Variants in TMEM63A observed in about 807,000 individuals in gnomAD.
TMEM63A encodes mechanosensitive cation channel TMEM63A.
A neutral mutation model predicts 100.6 loss-of-function variants in TMEM63A; 76 were observed. The observed-to-expected ratio is 0.76, with a 90% CI of 0.63 to 0.91. The LOEUF (loss-of-function observed/expected upper bound fraction) is 0.91, where lower values mean the gene tolerates loss of function less well. TMEM63A is among the 40% of genes least tolerant of loss of function. The probability of loss-of-function intolerance (pLI) is 0.00; values close to 1 mark genes in which losing one functional copy is unlikely to be tolerated. For synonymous variants in TMEM63A, 401 were observed against 401.1 expected (o/e 1.00, Z 0.00); for missense variants, 876 against 1,008.8 (o/e 0.87, Z 1.78).
intron 2 of TMEM63A, among the ~76,000 whole-genome samples, chr1:225,878,922 A>ACACACG (rs1479995554): frequency 6.7e-6 from 1 of 149,370 alleles, no homozygotes; most frequent in East Asian, 1.9e-4. Context: ...ACACACACAC[A>ACACACG]CGAAGCACAG....
Position 225,865,931 on chromosome 1 carries a change from C to G in TMEM63A, c.712G>C (p.Asp238His). The change falls in exon 10 of 25, where the codon GAT becomes CAT. Residue 238 changes from aspartate (D) to histidine (H), a missense_variant. Transcript: ENST00000366835. This position sits in a 1 kb window ranked among gnomAD's most constrained non-coding sequence, Gnocchi z 4.6. ...RTLFITGLPR[D>H]ARKETVESHF... is the part of the protein sequence containing the mutation. ...CTCTCCACAGTCTCCTTCCTGGCAT[C>G]TCTGGGGAGTCCTGTGATGAACAGG... 1 of 1,614,058 alleles carries G rather than the reference C, an allele frequency of 6.2e-7. No homozygotes were observed. The highest frequency in any genetic ancestry group is 8.5e-7 in the Non-Finnish European group (1 of 1,179,956).
In TMEM63A at chr1:225,852,903, C is replaced by T. The variant is rs1669422765; in HGVS notation, c.1798-134G>A. 3 of 734,134 alleles carry T rather than the reference C, an allele frequency of 4.1e-6. No homozygotes were observed. In the South Asian group the frequency reaches 5.0e-5, roughly 12 times the overall value. The allele number at this position is 734,134 out of a possible 1,614,324, so 45.5% of individuals were successfully genotyped here. On this transcript the variant is annotated intron_variant, in intron 19 of 24. Transcript: ENST00000366835. ...AGGAGATGCGTGGCTCCCCGCCTCCCAAGGTCCTTCCCATCCCTCCCAGCC... is the reference window on the plus strand; with the variant it reads ...AGGAGATGCGTGGCTCCCCGCCTCCTAAGGTCCTTCCCATCCCTCCCAGCC...
chr1:225,873,305 A>G (rs1171934818), intron 4 of TMEM63A, among the ~76,000 whole-genome samples: 1 of 152,158 alleles, frequency 6.6e-6, no homozygotes, highest in East Asian at 1.9e-4. Context: ...TTTCTCTCCA[A>G]CAGTCCAAGG....
At position 225,853,389 on chromosome 1, in the gene TMEM63A, C is replaced by T. The variant is rs964090343; in HGVS notation, c.1797+240G>A. On this transcript the variant is annotated intron_variant, in intron 19 of 24. Coordinates refer to ENST00000366835, the MANE Select transcript of TMEM63A (RefSeq NM_014698.3). The surrounding 1 kb of genome is among the most constrained non-coding windows in gnomAD (Gnocchi z 4.0). The stretch of plus-strand genomic sequence containing the variant: ...TATGTATGTATGTGTGCGATCAAAC[C>T]GTTTCAAATGCCAAAGTCCCAAGCT... 2.5e-4 allele frequency among the ~76,000 whole-genome samples: 38 copies of T among 152,244 alleles called. No homozygotes were observed. The highest frequency in any genetic ancestry group is 8.9e-4 in the African/African-American group (37 of 41,538).
At position 225,853,667 on chromosome 1, in the gene TMEM63A, T is replaced by C. The variant is rs1198585456; in HGVS notation, c.1759A>G (p.Met587Val). 1 of 1,579,088 alleles carries C rather than the reference T, an allele frequency of 6.3e-7. No individual in the cohort carries two copies. The highest frequency in any genetic ancestry group is 8.6e-7 in the Non-Finnish European group (1 of 1,162,284). ...CTGCGGTCAGCAGCCGTCTTGGCCA[T>C]GATCATGCGGAAGGTATAGAGGATG... ...GLILYTFRMI[M>V]AKTAADRRNV... The change falls in exon 19 of 25, where the codon ATG (methionine) becomes GTG (valine). Residue 587 changes from methionine to valine, a missense_variant. Around this residue, in one of 5 missense-constraint regions of TMEM63A, gnomAD observed 339 missense variants for 342.3 expected, o/e 0.99. Coordinates refer to ENST00000366835, the MANE Select transcript of TMEM63A (RefSeq NM_014698.3). This position sits in a 1 kb window ranked among gnomAD's most constrained non-coding sequence, Gnocchi z 4.0.
chr1:225,844,676 C>T (rs1044040795), downstream of TMEM63A: 19 of 1,608,934 alleles, frequency 1.2e-5, no homozygotes, highest in African/African-American at 6.7e-5. Context: ...GGCAGGGGGA[C>T]GGCCAGTCTT....
At chr1:225,874,399 T>C in intron 3 of TMEM63A, 32 bp from the exon 4 acceptor site, 1 of 1,590,490 alleles carries the variant, frequency 6.3e-7, no homozygotes, top group Non-Finnish European at 8.6e-7. Context: ...AGTAAAAGCA[T>C]ATTGGATGGC....
Position 225,867,252 on chromosome 1 carries a change from GGGA to G in TMEM63A, c.515-92_515-90del, listed in dbSNP as rs1403783970. Reference sequence around the variant, plus strand: ...ATCAGCCTTGGTTTGTGGAGCTCTGGGGAGGAGGAGCATGTCTGGACCAGCAGG... The same window carrying G: ...ATCAGCCTTGGTTTGTGGAGCTCTGGGGAGGAGCATGTCTGGACCAGCAGG... On this transcript the variant is annotated intron_variant, in intron 7 of 24. Coordinates refer to ENST00000366835, the MANE Select transcript of TMEM63A (RefSeq NM_014698.3). This position sits in a 1 kb window ranked among gnomAD's most constrained non-coding sequence, Gnocchi z 4.6. The G allele has an allele frequency of 2.3e-6, 3 of 1,318,696 alleles. No homozygotes were observed. In the African/African-American group the frequency reaches 4.4e-5, roughly 19 times the overall value. The allele number at this position is 1,318,696 out of a possible 1,614,324, so 81.7% of individuals were successfully genotyped here.
rs150756609 is a variant in TMEM63A, at chr1:225,877,568, G to C, written c.13C>G (p.Pro5Ala). 593 of 1,613,578 alleles carry C rather than the reference G, an allele frequency of 3.7e-4. 7 individuals carry two copies. The African/African-American group carries it at 6.8e-3, about 18-fold the overall frequency. The change falls in exon 3 of 25, where the codon CCG becomes GCG. Residue 5 changes from proline to alanine, a missense_variant. Physicochemically the swap from Pro to Ala is conservative, Grantham distance 27. Around this residue, in one of 5 missense-constraint regions of TMEM63A, gnomAD observed 43 missense variants for 48.9 expected, o/e 0.88. Transcript: ENST00000366835. The stretch of plus-strand genomic sequence containing the variant: ...TTGGACTGCCACAGCTCCAGGAACG[G>C]GGAGTCCATCATCGCGCCTGTCTTC... The part of the protein sequence containing the change: MMDS[P>A]FLELWQSKAV...
intron 3 of TMEM63A, among the ~76,000 whole-genome samples, chr1:225,876,839 G>C (rs1182238515): frequency 6.6e-6 from 1 of 152,094 alleles, no homozygotes; most frequent in Non-Finnish European, 1.5e-5. Flanking sequence ...AGTAGAGACA[G>C]GGTTTCACCA....
chr1:225,843,184 G>A (rs1431777906), downstream of TMEM63A, among the ~76,000 whole-genome samples: 1 of 150,112 alleles, frequency 6.7e-6, no homozygotes, highest in Non-Finnish European at 1.5e-5. Context: ...AATGCGCAAA[G>A]GACTGTGAGA....
chr1:225,861,479 A>G, intron 13 of TMEM63A: 1 of 151,930 alleles, frequency 6.6e-6, no homozygotes, highest in Non-Finnish European at 1.5e-5. Context: ...TCCTCCTTTA[A>G]CCTCCCGTAA....
In TMEM63A at chr1:225,853,646, GGT is replaced by G. The variant is rs764367215; in HGVS notation, c.1778_1779del (p.Asp593AlafsTer143). ...GATGGCACCTGCTTGACATTCCTGC[GGT>G]CAGCAGCCGTCTTGGCCATGATCAT... ...FRMIMAKTAA[D>X]RRNVKQNQAF... is the part of the protein sequence containing the mutation. On this transcript the variant is annotated frameshift_variant, in exon 19 of 25. Coordinates refer to ENST00000366835, the MANE Select transcript of TMEM63A (RefSeq NM_014698.3). LOFTEE classifies it high-confidence loss of function. The surrounding 1 kb of genome is among the most constrained non-coding windows in gnomAD (Gnocchi z 4.0). 1 of 1,569,190 alleles carries G rather than the reference GGT, an allele frequency of 6.4e-7. No homozygotes were observed. Among genetic ancestry groups the G allele is most frequent in the South Asian group, 1.2e-5 (1 of 85,282 alleles).
At chr1:225,863,238 G>A (rs889091945) in intron 10 of TMEM63A, 12 of 236,728 alleles carry the variant, frequency 5.1e-5, no homozygotes, top group African/African-American at 2.7e-4. Flanking sequence ...GTAGAGACGG[G>A]GTCTCGCTAT....
At position 225,861,826 on chromosome 1, in the gene TMEM63A, CCA is replaced by C. The variant is rs1669954900; in HGVS notation, c.1085+390_1085+391del. On this transcript the variant is annotated intron_variant, in intron 13 of 24. Coordinates refer to ENST00000366835, the MANE Select transcript of TMEM63A (RefSeq NM_014698.3). ...TTTGCATTTGTGGGAAGGTGGGGAG[CCA>C]CAGACAGAAGGATCTGTGGCCCAGA... 1.3e-5 allele frequency: 3 copies of C among 223,962 alleles called. No individual in the cohort carries two copies. The South Asian group carries it at 2.4e-4, about 18-fold the overall frequency. 13.9% of individuals were successfully genotyped at this position (223,962 alleles called of 1,614,324 possible).
At chr1:225,861,712 CCAA>C (rs1669947181) in intron 13 of TMEM63A, 2 of 170,954 alleles carry the variant, frequency 1.2e-5, no homozygotes, top group Non-Finnish European at 2.6e-5. Flanking sequence ...GAGTCCCATG[CCAA>C]GGGCCACTGT....
intron 1 of TMEM63A, among the ~76,000 whole-genome samples, chr1:225,882,007 C>G (rs551238987): frequency 8.2e-4 from 125 of 152,312 alleles, no homozygotes; most frequent in African/African-American, 2.9e-3. Context: ...TCGGACTCCG[C>G]CGACAAATCC....
intron 3 of TMEM63A, among the ~76,000 whole-genome samples, chr1:225,875,652 C>T (rs1014443373): frequency 3.9e-5 from 6 of 152,298 alleles, no homozygotes; most frequent in African/African-American, 1.4e-4. Flanking sequence ...CCTCTCTGTC[C>T]ACAGCGGCTG....
rs1347312565 is a variant in TMEM63A at position 225,849,793 on chromosome 1, C to T, written c.2071+119G>A. On this transcript the variant is annotated intron_variant, in intron 21 of 24. Transcript: ENST00000366835. ...ACACCTAACCAGCCCTCACTCTGGG[C>T]ACCACATTCTGACTGGATGCCATGC... 3.1e-6 allele frequency: 4 copies of T among 1,306,400 alleles called. No individual in the cohort carries two copies. In the African/African-American group the frequency reaches 5.9e-5, roughly 19 times the overall value. The allele number at this position is 1,306,400 out of a possible 1,614,324, so 80.9% of individuals were successfully genotyped here.
Sources: allele counts gnomAD v4.1 joint callset (sites outside exome capture counted in the v4.1 genomes callset), GRCh38; gene constraint gnomAD v4.1.1; regional missense constraint gnomAD v4.1.1; non-coding constraint Gnocchi (gnomAD v3.1); transcripts MANE v1.5; gene names NCBI Gene and HGNC (gene_info 2026-07-23, HGNC 2026-07-21).